Variants in PHLDB2 observed in about 807,000 individuals in gnomAD.
PHLDB2 encodes the protein pleckstrin homology like domain family B member 2, also known as pleckstrin homology-like domain family B member 2.
PHLDB2 carries 71 observed loss-of-function variants against 123.6 expected under a neutral mutation model. The ratio of observed to expected loss-of-function variants is 0.57; its 90% CI spans 0.47 to 0.70. PHLDB2 has a LOEUF of 0.70. Among genes scored for constraint, PHLDB2 ranks in the 30% least tolerant of loss-of-function variants. The probability of loss-of-function intolerance (pLI) is 0.00; values close to 1 mark genes in which losing one functional copy is unlikely to be tolerated. For synonymous variants in PHLDB2, 547 were observed against 541.6 expected, an observed-to-expected ratio of 1.01 and a Z score of -0.14; for missense variants, 1,446 against 1,519.5, an observed-to-expected ratio of 0.95 and a Z score of 0.80.
intron 1 of PHLDB2, among the ~76,000 whole-genome samples, chr3:111,873,332 G>A (rs2108719426): frequency 6.6e-6 from 1 of 152,258 alleles, no homozygotes; most frequent in South Asian, 2.1e-4. Context: ...GGGGTAGTAG[G>A]GAATCTGTAT....
intron 8 of PHLDB2, among the ~76,000 whole-genome samples, chr3:111,941,335 G>C (rs1306525675): frequency 6.6e-6 from 1 of 152,216 alleles, no homozygotes; most frequent in Admixed American, 6.5e-5. Flanking sequence ...AATGGGGCTA[G>C]TCTCAGATCT....
At chr3:111,821,883 A>G (rs555376487) in intron 1 of PHLDB2, among the ~76,000 whole-genome samples, 15 of 152,344 alleles carry the variant, frequency 9.8e-5, no homozygotes, top group Admixed American at 3.9e-4. Context: ...AAATACCAGT[A>G]ACCTAGGGGA....
chr3:111,873,313 G>A (rs1390996470), intron 1 of PHLDB2, among the ~76,000 whole-genome samples: 2 of 150,244 alleles, frequency 1.3e-5, no homozygotes, highest in South Asian at 4.3e-4. Flanking sequence ...AAAAGTGGTG[G>A]CACTTCCTGG....
chr3:111,867,663 T>C (rs1274348079), intron 1 of PHLDB2, among the ~76,000 whole-genome samples: 1 of 152,184 alleles, frequency 6.6e-6, no homozygotes, highest in Non-Finnish European at 1.5e-5. Context: ...TAGTTTCCAG[T>C]CTGAAATTCT....
chr3:111,870,913 C>T (rs183892821), intron 1 of PHLDB2, among the ~76,000 whole-genome samples: 4 of 152,300 alleles, frequency 2.6e-5, no homozygotes, highest in African/African-American at 4.8e-5. Context: ...CCACAAAATG[C>T]GGACTCCAAG....
chr3:111,911,241 T>C (rs750349155), intron 2 of PHLDB2, among the ~76,000 whole-genome samples: 1 of 152,174 alleles, frequency 6.6e-6, no homozygotes, highest in Non-Finnish European at 1.5e-5. Context: ...TTTCAGATAA[T>C]CCCAAATATT....
chr3:111,948,553 A>G (rs1302331063), intron 9 of PHLDB2, among the ~76,000 whole-genome samples: 2 of 152,162 alleles, frequency 1.3e-5, no homozygotes, highest in African/African-American at 4.8e-5. Flanking sequence ...TGCATTGTCA[A>G]TTTTACATCT....
intron 2 of PHLDB2, among the ~76,000 whole-genome samples, chr3:111,900,595 ACTATT>A (rs975698198): frequency 1.4e-4 from 21 of 152,216 alleles, no homozygotes; most frequent in African/African-American, 4.6e-4. Flanking sequence ...GGTGTCCAAA[ACTATT>A]ACAATAGTAA....
chr3:111,936,078 C>G (rs1416142235), intron 6 of PHLDB2, among the ~76,000 whole-genome samples: 1 of 152,194 alleles, frequency 6.6e-6, no homozygotes, highest in Non-Finnish European at 1.5e-5. Context: ...GTTATTACTG[C>G]AATTTCTCCT....
intron 5 of PHLDB2, among the ~76,000 whole-genome samples, chr3:111,921,604 C>CTTT (rs368628355): frequency 0.31 from 40,545 of 132,048 alleles, 7,016 homozygotes; most frequent in Middle Eastern, 0.37. Context: ...TGCCCCCAGA[C>CTTT]TTTTTTTTTT....
At chr3:111,790,581 A>G (rs1383019269) in intron 1 of PHLDB2, among the ~76,000 whole-genome samples, 2 of 152,168 alleles carry the variant, frequency 1.3e-5, no homozygotes, top group Non-Finnish European at 2.9e-5. Context: ...CCACCTAAGC[A>G]CTGTGTTTTG....
At chr3:111,850,792 T>G (rs2064212727) in intron 2 of PHLDB2, among the ~76,000 whole-genome samples, 1 of 152,112 alleles carries the variant, frequency 6.6e-6, no homozygotes, top group South Asian at 2.1e-4. Context: ...ATAAAAGAAC[T>G]ATACTAGTCA....
chr3:111,797,051 TGC>T (rs1423725961), intron 1 of PHLDB2, among the ~76,000 whole-genome samples: 2 of 152,228 alleles, frequency 1.3e-5, no homozygotes, highest in Non-Finnish European at 2.9e-5. Context: ...CTTCTTTTCC[TGC>T]CTACCTTCTG....
chr3:111,973,694 G>C (rs1011742028), intron 16 of PHLDB2, 38 bp from the exon 17 acceptor site: 1 of 1,104,350 alleles, frequency 9.1e-7, no homozygotes, highest in Non-Finnish European at 1.4e-6. Context: ...CTGTTCCTCA[G>C]TGGCGATAAA....
At chr3:111,796,481 A>T (rs368746779) in intron 1 of PHLDB2, among the ~76,000 whole-genome samples, 1 of 152,032 alleles carries the variant, frequency 6.6e-6, no homozygotes, top group African/African-American at 2.4e-5. Context: ...CTGAATCCCC[A>T]TTTGTTCGCT....
chr3:111,868,982 G>A (rs1424828911), intron 1 of PHLDB2, among the ~76,000 whole-genome samples: 1 of 152,098 alleles, frequency 6.6e-6, no homozygotes, highest in East Asian at 1.9e-4. Context: ...TATGATTGAT[G>A]GCTTACCCTC....
intron 1 of PHLDB2, among the ~76,000 whole-genome samples, chr3:111,878,308 G>C (rs2065753866): frequency 6.6e-6 from 1 of 152,082 alleles, no homozygotes; most frequent in African/African-American, 2.4e-5. Flanking sequence ...TATTCTCTTT[G>C]TAGCAATTGT....
chr3:111,875,579 T>C (rs1026411040), intron 1 of PHLDB2, among the ~76,000 whole-genome samples: 2 of 151,544 alleles, frequency 1.3e-5, no homozygotes, highest in African/African-American at 4.8e-5. Context: ...TCCCAGCACT[T>C]TGGGAGGCCG....
Position 111,945,268 on chromosome 3 carries a change from G to A in PHLDB2, c.2398G>A (p.Glu800Lys). The A allele has an allele frequency of 6.2e-7, 1 of 1,602,588 alleles. No homozygotes were observed. Among genetic ancestry groups the A allele is most frequent in the Non-Finnish European group, 8.5e-7 (1 of 1,171,162 alleles). The change falls in exon 9 of 18, where the codon GAA (glutamate) becomes AAA (lysine). Residue 800 changes from glutamate to lysine, a missense_variant and splice_region_variant. Coordinates refer to ENST00000431670, the MANE Select transcript of PHLDB2 (RefSeq NM_001134438.2). ...KNNLIMMLQREKENLCNLEKK... is the reference protein window; with the variant it reads ...KNNLIMMLQRKKENLCNLEKK... ...TTTAATAGGTTTTGTATTCCTTCAG[G>A]AAAAGGAGAATCTTTGTAATTTGGA...
Sources: gnomAD v4.1 joint callset for allele counts (sites outside exome capture counted in the v4.1 genomes callset) on GRCh38, gnomAD v4.1.1 for gene constraint, MANE v1.5 for transcripts, NCBI Gene and HGNC (gene_info 2026-07-23, HGNC 2026-07-21) for gene names.